Variants in GC observed in about 807,000 individuals in gnomAD.
The protein encoded by GC is vitamin D-binding protein.
GC carries 43 observed loss-of-function variants against 56.7 expected under a neutral mutation model. The ratio of observed to expected loss-of-function variants is 0.76; its 90% CI spans 0.59 to 0.98. The LOEUF (loss-of-function observed/expected upper bound fraction) is 0.98, where lower values mean the gene tolerates loss of function less well. Ranked by LOEUF, GC falls within the 50% of genes least tolerant of loss-of-function variation. GC has a pLI of 0.00. For missense variants in GC, 529 were observed against 545.9 expected (o/e 0.97, Z 0.31); for synonymous variants, 216 against 202.7 (o/e 1.07, Z -0.56).
chr4:71,744,389 G>GCGGT lies in GC; in HGVS notation c.*25+1758_*25+1761dup, dbSNP rs559755054. 7.6e-3 allele frequency among the ~76,000 whole-genome samples: 1,128 copies of GCGGT among 149,170 alleles called. 12 individuals are homozygous for GCGGT. Among genetic ancestry groups the GCGGT allele is most frequent in the African/African-American group, 0.026 (1,068 of 40,572 alleles). ...CAGGAGAATGGCGTGAACCCAGGAG[G>GCGGT]CGGTGCTTGCAGCGAGCCGAGATCG... On this transcript the variant is annotated intron_variant, in intron 12 of 12. Transcript: ENST00000273951.
At chr4:71,793,501 A>AT (rs2149309475) in intron 1 of GC, among the ~76,000 whole-genome samples, 1 of 152,202 alleles carries the variant, frequency 6.6e-6, no homozygotes, top group South Asian at 2.1e-4. Flanking sequence ...TTATACATTG[A>AT]TTTTGTATCC....
In GC at chr4:71,768,742, G is replaced by A. The variant is rs562115249; in HGVS notation, c.129-309C>T. On this transcript the variant is annotated intron_variant, in intron 2 of 12. Transcript: ENST00000273951. ...TCCTCCCAAAGGGCTGGGATTACAG[G>A]CGTGAGCCGCCGTGCCCGACCAGAA... Among the ~76,000 whole-genome samples, 9 of 152,354 alleles carry A rather than the reference G, an allele frequency of 5.9e-5. No individual in the cohort carries two copies. The South Asian group carries it at 1.0e-3, about 18-fold the overall frequency.
intron 1 of GC, among the ~76,000 whole-genome samples, chr4:71,783,615 A>G (rs1742754786): frequency 1.3e-5 from 2 of 151,822 alleles, no homozygotes; most frequent in Admixed American, 1.3e-4. Context: ...TTAATGGTGG[A>G]TCACAGTCTT....
chr4:71,790,541 T>G (rs1742943197), intron 1 of GC, among the ~76,000 whole-genome samples: 1 of 151,904 alleles, frequency 6.6e-6, no homozygotes, highest in Admixed American at 6.6e-5. Flanking sequence ...ATATGTTTGC[T>G]TTCTACTTTT....
At chr4:71,757,937 G>A (rs186889538) in intron 7 of GC, 105 bp downstream of exon 7, 274 of 828,552 alleles carry the variant, frequency 3.3e-4, no homozygotes, top group Admixed American at 7.7e-4. Flanking sequence ...GTAAGCATCC[G>A]TTAGGATAAT....
rs755815410 is a variant in GC at position 71,765,383 on chromosome 4, T to C, written c.473+49A>G. 9 of 1,429,632 alleles carry C rather than the reference T, an allele frequency of 6.3e-6. No homozygotes were observed. The South Asian group carries it at 8.0e-5, about 13-fold the overall frequency. The allele number at this position is 1,429,632 out of a possible 1,614,324, so 88.6% of individuals were successfully genotyped here. A position where few individuals can be genotyped will look rare whatever the true frequency, so the allele number is the denominator to read the frequency against. On this transcript the variant is annotated intron_variant, in intron 4 of 12. Coordinates refer to ENST00000273951, the MANE Select transcript of GC (RefSeq NM_000583.4). ...AGAGTAGGGGGTTAGATTAGAGTCA[T>C]TTCTGATACTTTAGGTCCTAAAGTT...
At chr4:71,749,133 A>C (rs1365062994) in intron 11 of GC, among the ~76,000 whole-genome samples, 3 of 152,198 alleles carry the variant, frequency 2.0e-5, no homozygotes, top group Non-Finnish European at 2.9e-5. Flanking sequence ...TTGAAATAGC[A>C]GAGGATTTAA....
chr4:71,750,610 C>T (rs843005), intron 11 of GC, among the ~76,000 whole-genome samples: 81,383 of 152,058 alleles, frequency 0.54, 22,479 homozygotes, highest in Middle Eastern at 0.63. Flanking sequence ...TCTGGCCGGG[C>T]GCAGTGGCTC....
upstream of GC, among the ~76,000 whole-genome samples, chr4:71,787,046 T>A (rs2149307870): frequency 6.6e-6 from 1 of 151,984 alleles, no homozygotes; most frequent in Non-Finnish European, 1.5e-5. Flanking sequence ...ATGATTGACT[T>A]CCATGAGAAA....
upstream of GC, among the ~76,000 whole-genome samples, chr4:71,787,382 A>G (rs986363143): frequency 1.6e-4 from 25 of 151,902 alleles, no homozygotes; most frequent in African/African-American, 6.0e-4. Context: ...CTTTGTTCAC[A>G]TTCTTCTTTC....
At chr4:71,795,116 G>T (rs900946105) in intron 1 of GC, among the ~76,000 whole-genome samples, 5 of 152,170 alleles carry the variant, frequency 3.3e-5, no homozygotes, top group African/African-American at 1.2e-4. Context: ...ATGTGGTGCT[G>T]AGAAGAATGT....
intron 1 of GC, among the ~76,000 whole-genome samples, chr4:71,790,304 A>T (rs1295940617): frequency 1.3e-5 from 2 of 152,054 alleles, no homozygotes; most frequent in Non-Finnish European, 2.9e-5. Flanking sequence ...ACCTAATAAT[A>T]TAGCCATGAC....
In GC at chr4:71,765,310, T is replaced by A. The variant is rs183378668; in HGVS notation, c.473+122A>T. On this transcript the variant is annotated intron_variant, in intron 4 of 12. Transcript: ENST00000273951. Reference sequence around the variant, plus strand: ...GAAGATGGGCTGTCTCAGATGACAGTCAAGTTATCAGAATTTGTTCAGGTT... The same window carrying A: ...GAAGATGGGCTGTCTCAGATGACAGACAAGTTATCAGAATTTGTTCAGGTT... 1.5e-3 allele frequency: 1,167 copies of A among 755,876 alleles called. 2 individuals are homozygous for A. Among genetic ancestry groups the A allele is most frequent in the Non-Finnish European group, 2.4e-3 (1,054 of 433,544 alleles). The allele number at this position is 755,876 out of a possible 1,614,324, so 46.8% of individuals were successfully genotyped here. A position where few individuals can be genotyped will look rare whatever the true frequency, so the allele number is the denominator to read the frequency against.
intron 1 of GC, among the ~76,000 whole-genome samples, chr4:71,803,546 T>C (rs780318786): frequency 2.0e-5 from 3 of 152,212 alleles, no homozygotes; most frequent in Non-Finnish European, 4.4e-5. Context: ...CAATTAAATA[T>C]AAAAGGCAAT....
chr4:71,744,305 C>CAAA (rs1741284561), intron 12 of GC, among the ~76,000 whole-genome samples: 1 of 137,888 alleles, frequency 7.3e-6, no homozygotes, highest in Admixed American at 8.0e-5. Context: ...AAAAAAAAAC[C>CAAA]CAAATTAGCT....
At chr4:71,753,079 C>A (rs1741608360) in intron 10 of GC, among the ~76,000 whole-genome samples, 1 of 152,126 alleles carries the variant, frequency 6.6e-6, no homozygotes, top group African/African-American at 2.4e-5. Flanking sequence ...TTATCTACTT[C>A]TCAACTCACT....
At chr4:71,749,719 A>C (rs901718387) in intron 11 of GC, among the ~76,000 whole-genome samples, 1 of 152,210 alleles carries the variant, frequency 6.6e-6, no homozygotes, top group African/African-American at 2.4e-5. Flanking sequence ...TAATGACCAA[A>C]ATATTCTGAC....
chr4:71,770,870 T>A (rs1293086055), intron 1 of GC, among the ~76,000 whole-genome samples: 1 of 152,074 alleles, frequency 6.6e-6, no homozygotes, highest in Non-Finnish European at 1.5e-5. Flanking sequence ...AACAGAAAAA[T>A]CACAGTACCT....
At chr4:71,794,811 C>T (rs774913582) in intron 1 of GC, among the ~76,000 whole-genome samples, 66 of 152,186 alleles carry the variant, frequency 4.3e-4, no homozygotes, top group African/African-American at 1.3e-3. Flanking sequence ...ATAAATTTCC[C>T]GCTACATACT....
Sources: allele counts gnomAD v4.1 joint callset (sites outside exome capture counted in the v4.1 genomes callset), GRCh38; gene constraint gnomAD v4.1.1; transcripts MANE v1.5; gene names NCBI Gene and HGNC (gene_info 2026-07-23, HGNC 2026-07-21).